Variants in SLC16A2 observed in about 807,000 individuals in gnomAD.
SLC16A2 encodes the protein monocarboxylate transporter 8.
Under a neutral mutation model 27.2 loss-of-function variants are expected in SLC16A2, and 3 were observed. The observed-to-expected ratio is 0.11, with a 90% CI of 0.05 to 0.28. The LOEUF is 0.28. Among genes scored for constraint, SLC16A2 ranks in the 10% least tolerant of loss-of-function variants. The probability of loss-of-function intolerance (pLI) is 1.00; values close to 1 mark genes in which losing one functional copy is unlikely to be tolerated. For missense variants in SLC16A2, 295 were observed against 458.5 expected, an observed-to-expected ratio of 0.64 and a Z score of 3.26; for synonymous variants, 202 against 187.8, an observed-to-expected ratio of 1.08 and a Z score of -0.62.
intron 1 of SLC16A2, among the ~76,000 whole-genome samples, chrX:74,481,761 A>T (rs1929624940): frequency 9.4e-6 from 1 of 106,421 alleles, no homozygotes; most frequent in Non-Finnish European, 1.9e-5. Context: ...TTAGTCTGCT[A>T]TTCTTTTTCT....
chrX:74,524,985 G>A (rs1319319065), intron 3 of SLC16A2, among the ~76,000 whole-genome samples, 176 bp downstream of exon 3: 2 of 111,635 alleles, frequency 1.8e-5, no homozygotes, highest in African/African-American at 6.5e-5. Flanking sequence ...GAGGTTGAGG[G>A]AAGACCTTAG....
chrX:74,448,431 T>C (rs1231019871), intron 1 of SLC16A2, among the ~76,000 whole-genome samples: 1 of 108,486 alleles, frequency 9.2e-6, no homozygotes, highest in African/African-American at 3.4e-5. Context: ...ATCTCCTCTT[T>C]GCATAGAACA....
intron 1 of SLC16A2, among the ~76,000 whole-genome samples, chrX:74,500,465 T>C (rs1173306696): frequency 1.8e-5 from 2 of 111,609 alleles, no homozygotes; most frequent in Non-Finnish European, 1.9e-5. Context: ...CTAAGTTCTT[T>C]AGTGGTGATT....
intron 1 of SLC16A2, among the ~76,000 whole-genome samples, chrX:74,467,373 A>T (rs767443147): frequency 9.0e-6 from 1 of 111,404 alleles, no homozygotes; most frequent in Non-Finnish European, 1.9e-5. Context: ...CCAGGTTAGT[A>T]TGTGCATTGG....
intron 1 of SLC16A2, among the ~76,000 whole-genome samples, chrX:74,483,288 C>T (rs998755712): frequency 1.8e-5 from 2 of 111,563 alleles, no homozygotes; most frequent in African/African-American, 6.5e-5. Context: ...TATTAGCCTC[C>T]ACTTCTTAAT....
chrX:74,426,698 C>G (rs1285063217), intron 1 of SLC16A2, among the ~76,000 whole-genome samples: 1 of 112,348 alleles, frequency 8.9e-6, no homozygotes. Context: ...CTTTCTAGCC[C>G]TACCATTCTA....
chrX:74,510,286 T>G (rs1394949900), intron 1 of SLC16A2, among the ~76,000 whole-genome samples: 1 of 111,841 alleles, frequency 8.9e-6, no homozygotes, highest in Non-Finnish European at 1.9e-5. Flanking sequence ...GGTGAATGTC[T>G]GACAATCTGA....
At chrX:74,427,542 A>T (rs1439882722) in intron 1 of SLC16A2, among the ~76,000 whole-genome samples, 3 of 112,013 alleles carry the variant, frequency 2.7e-5, no homozygotes, top group Non-Finnish European at 5.6e-5. Flanking sequence ...ACATTTGTAG[A>T]AGTATATAAA....
At chrX:74,465,974 G>C (rs1057211972) in intron 1 of SLC16A2, among the ~76,000 whole-genome samples, 1 of 110,950 alleles carries the variant, frequency 9.0e-6, no homozygotes, top group African/African-American at 3.3e-5. Context: ...GGTGGGAGAG[G>C]GCTGGTCAAT....
intron 5 of SLC16A2, among the ~76,000 whole-genome samples, chrX:74,529,728 G>A (rs911051463): frequency 1.9e-5 from 2 of 106,001 alleles, no homozygotes; most frequent in Non-Finnish European, 3.9e-5. Context: ...AGAAAAATGA[G>A]TTTGGCTTTC....
chrX:74,480,072 C>T (rs1160110732), intron 1 of SLC16A2, among the ~76,000 whole-genome samples: 1 of 112,288 alleles, frequency 8.9e-6, no homozygotes, highest in East Asian at 2.8e-4. Flanking sequence ...CTATGCCCTG[C>T]CCCCAGAGGT....
At chrX:74,468,077 A>G (rs1332123991) in intron 1 of SLC16A2, among the ~76,000 whole-genome samples, 2 of 111,983 alleles carry the variant, frequency 1.8e-5, no homozygotes, top group Non-Finnish European at 3.8e-5. Context: ...CTATTCTGTT[A>G]AACTTTTAAA....
At chrX:74,514,480 G>C (rs1358456477) in intron 1 of SLC16A2, among the ~76,000 whole-genome samples, 2 of 111,234 alleles carry the variant, frequency 1.8e-5, no homozygotes, top group Non-Finnish European at 3.8e-5. Context: ...CGCCTCCCAT[G>C]CTGAGGTGGT....
At chrX:74,461,727 T>G (rs1292406046) in intron 1 of SLC16A2, among the ~76,000 whole-genome samples, 2 of 111,925 alleles carry the variant, frequency 1.8e-5, no homozygotes, top group Non-Finnish European at 3.8e-5. Context: ...AGAGGATTGG[T>G]GGCTCTGGTA....
chrX:74,513,175 A>G (rs1219671617), intron 1 of SLC16A2, among the ~76,000 whole-genome samples: 1 of 112,371 alleles, frequency 8.9e-6, no homozygotes, highest in Non-Finnish European at 1.9e-5. Flanking sequence ...ATACTTGCTC[A>G]GCACTTATGC....
chrX:74,473,001 G>A, intron 1 of SLC16A2: 1 of 486,888 alleles, frequency 2.1e-6, no homozygotes, highest in East Asian at 4.0e-5. Context: ...CTCCTGCTAA[G>A]GTTTGTTTCC....
At chrX:74,519,406 T>TGACCTC (rs1930367791) in intron 1 of SLC16A2, among the ~76,000 whole-genome samples, 1 of 102,841 alleles carries the variant, frequency 9.7e-6, no homozygotes, top group Non-Finnish European at 2.0e-5. Context: ...CTCTATCTCC[T>TGACCTC]GACCTCGTGA....
At chrX:74,422,145 G>A (rs1269982575) in intron 1 of SLC16A2, 78 bp downstream of exon 1, 3 of 994,131 alleles carry the variant, frequency 3.0e-6, no homozygotes, top group Admixed American at 2.6e-5. Context: ...CATACCTCCC[G>A]GTCCGAGGCG....
chrX:74,472,872 T>C (rs1353132504), intron 1 of SLC16A2: 1 of 285,186 alleles, frequency 3.5e-6, no homozygotes. Flanking sequence ...CCCATACATA[T>C]GAGTATTTGT....
Sources: gnomAD v4.1 joint callset for allele counts (sites outside exome capture counted in the v4.1 genomes callset) on GRCh38, gnomAD v4.1.1 for gene constraint, MANE v1.5 for transcripts, NCBI Gene and HGNC (gene_info 2026-07-23, HGNC 2026-07-21) for gene names.